AIMP1: variants seen among roughly 807,000 people sequenced by gnomAD.
AIMP1 encodes the protein aminoacyl tRNA synthetase complex interacting multifunctional protein 1.
Under a neutral mutation model 33.1 loss-of-function variants are expected in AIMP1, and 24 were observed. That is an observed-to-expected ratio of 0.73 (90% CI 0.53 to 1.02). AIMP1 has a LOEUF of 1.02. Among genes scored for constraint, AIMP1 ranks in the 50% least tolerant of loss-of-function variants. The pLI is 0.00. For missense variants in AIMP1, 367 were observed against 364.8 expected (o/e 1.01, Z -0.05); for synonymous variants, 120 against 121.5 (o/e 0.99, Z 0.08).
intron 5 of AIMP1, among the ~76,000 whole-genome samples, chr4:106,335,135 C>T (rs1221918543): frequency 1.3e-5 from 2 of 152,074 alleles, no homozygotes; most frequent in African/African-American, 2.4e-5. Flanking sequence ...TGAAGTTTCT[C>T]TTATCTAGGA....
chr4:106,336,606 T>C (rs551880205), intron 5 of AIMP1, among the ~76,000 whole-genome samples: 4 of 152,354 alleles, frequency 2.6e-5, no homozygotes, highest in Non-Finnish European at 5.9e-5. Flanking sequence ...TCTGTTTCAC[T>C]CATTTATTCA....
chr4:106,334,090 C>T (rs1039920749), intron 5 of AIMP1, among the ~76,000 whole-genome samples: 9 of 152,084 alleles, frequency 5.9e-5, no homozygotes, highest in African/African-American at 1.9e-4. Context: ...AGAATATGGA[C>T]TTCAACATTA....
intron 1 of AIMP1, among the ~76,000 whole-genome samples, chr4:106,322,482 A>C (rs986695734): frequency 1.3e-5 from 2 of 152,178 alleles, no homozygotes; most frequent in East Asian, 3.9e-4. Flanking sequence ...AAAAATTTAA[A>C]TGATAATTAA....
chr4:106,326,618 A>G (rs1769461092), intron 2 of AIMP1, among the ~76,000 whole-genome samples: 2 of 152,320 alleles, frequency 1.3e-5, no homozygotes, highest in East Asian at 3.9e-4. Flanking sequence ...GACTTTAGCA[A>G]TATTCAGCTT....
intron 5 of AIMP1, among the ~76,000 whole-genome samples, chr4:106,336,072 C>T (rs1700101780): frequency 8.9e-6 from 1 of 112,978 alleles, no homozygotes; most frequent in Admixed American, 1.2e-4. Flanking sequence ...GACAGGGTCT[C>T]ACTCTTGCCC....
At chr4:106,343,058 C>T (rs1334187532) in intron 6 of AIMP1, among the ~76,000 whole-genome samples, 2 of 152,042 alleles carry the variant, frequency 1.3e-5, no homozygotes, top group South Asian at 4.1e-4. Flanking sequence ...GCATGCGCCA[C>T]CACACCAGGA....
chr4:106,333,912 A>G (rs936991258), intron 5 of AIMP1, among the ~76,000 whole-genome samples: 1 of 152,164 alleles, frequency 6.6e-6, no homozygotes, highest in African/African-American at 2.4e-5. Flanking sequence ...TTACTTTTGA[A>G]TACCATATTT....
chr4:106,341,495 ATTC>A (rs1770098607), intron 6 of AIMP1, among the ~76,000 whole-genome samples: 1 of 152,328 alleles, frequency 6.6e-6, no homozygotes, highest in East Asian at 1.9e-4. Flanking sequence ...GTCCTATTTC[ATTC>A]TTCTGCATAT....
rs541362596 is a variant in AIMP1, at chr4:106,329,633, T to TGTGGCC, written c.391+1395_391+1396insCGTGGC. 1.3e-4 allele frequency among the ~76,000 whole-genome samples: 20 copies of TGTGGCC among 152,282 alleles called. No homozygotes were observed. The East Asian group carries it at 3.9e-3, about 29-fold the overall frequency. On this transcript the variant is annotated intron_variant, in intron 4 of 6. Transcript: ENST00000672341. Reference sequence around the variant, plus strand: ...TTTAAATTTAAATTTAAATAACCTATGTGGCTGGCAGCTACCATATTAGAC... The same window carrying TGTGGCC: ...TTTAAATTTAAATTTAAATAACCTATGTGGCCGTGGCTGGCAGCTACCATATTAGAC...
At chr4:106,343,874 A>G (rs757185593) in intron 6 of AIMP1, among the ~76,000 whole-genome samples, 1 of 152,228 alleles carries the variant, frequency 6.6e-6, no homozygotes, top group Non-Finnish European at 1.5e-5. Context: ...AGTCGTATTA[A>G]TAGTAGAAAT....
intron 1 of AIMP1, among the ~76,000 whole-genome samples, chr4:106,318,005 G>A (rs895014671): frequency 1.3e-5 from 2 of 152,026 alleles, no homozygotes; most frequent in Non-Finnish European, 2.9e-5. Flanking sequence ...TGTTAATGAC[G>A]ATGGTATTTA....
chr4:106,326,661 T>C (rs940512077), intron 2 of AIMP1, among the ~76,000 whole-genome samples: 2 of 152,068 alleles, frequency 1.3e-5, no homozygotes, highest in East Asian at 1.9e-4. Flanking sequence ...AAGAAAGACA[T>C]GAGAATAGTT....
intron 1 of AIMP1, chr4:106,316,884 A>G (rs1016498151): frequency 7.7e-6 from 3 of 391,104 alleles, no homozygotes; most frequent in Non-Finnish European, 1.4e-5. Flanking sequence ...CAAAGGACTT[A>G]GGTGCTTTGG....
At chr4:106,323,529 G>A (rs1769346564) in intron 1 of AIMP1, among the ~76,000 whole-genome samples, 1 of 150,506 alleles carries the variant, frequency 6.6e-6, no homozygotes, top group Non-Finnish European at 1.5e-5. Context: ...ATACCATGTT[G>A]TTACTTAAAC....
chr4:106,321,690 G>A (rs1362340469), intron 1 of AIMP1, among the ~76,000 whole-genome samples: 1 of 152,218 alleles, frequency 6.6e-6, no homozygotes, highest in Non-Finnish European at 1.5e-5. Context: ...ACCCCGTCTG[G>A]GAGGTGTACC....
intron 5 of AIMP1, among the ~76,000 whole-genome samples, chr4:106,332,772 T>G (rs909039806): frequency 6.6e-6 from 1 of 151,892 alleles, no homozygotes; most frequent in Non-Finnish European, 1.5e-5. Flanking sequence ...CTGTTCAGCT[T>G]TACTGTTTAC....
Position 106,327,546 on chromosome 4 carries a change from G to A in AIMP1, c.205G>A (p.Ala69Thr), listed in dbSNP as rs770796701. 1.2e-6 allele frequency: 2 copies of A among 1,611,502 alleles called. No homozygotes were observed. Among genetic ancestry groups the A allele is most frequent in the Middle Eastern group, 1.7e-4 (1 of 6,036 alleles). ...IEELKQELIQAEIQNGVKQIP... is the reference protein window; with the variant it reads ...IEELKQELIQTEIQNGVKQIP... The stretch of plus-strand genomic sequence containing the variant: ...AGAACTGAAACAAGAGCTAATTCAG[G>A]CAGAAATTCAAAATGGAGGTAATTA... The change falls in exon 3 of 7, where the codon GCA (alanine) becomes ACA (threonine). Residue 69 changes from alanine (A) to threonine (T), a missense_variant. Transcript: ENST00000672341.
intron 6 of AIMP1, among the ~76,000 whole-genome samples, chr4:106,338,775 G>C (rs746058032): frequency 5.3e-5 from 8 of 152,160 alleles, no homozygotes; most frequent in Non-Finnish European, 8.8e-5. Context: ...TAAATCCACT[G>C]ACAGCTTCCG....
intron 6 of AIMP1, among the ~76,000 whole-genome samples, chr4:106,338,388 C>T (rs555864058): frequency 2.6e-5 from 4 of 152,314 alleles, no homozygotes; most frequent in South Asian, 2.1e-4. Context: ...CCAGGGCCCC[C>T]GTGCTGTGTG....
Sources: gnomAD v4.1 joint callset for allele counts (sites outside exome capture counted in the v4.1 genomes callset) on GRCh38, gnomAD v4.1.1 for gene constraint, MANE v1.5 for transcripts, NCBI Gene and HGNC (gene_info 2026-07-23, HGNC 2026-07-21) for gene names.